The following NOS1 variants were observed in gnomAD, a reference collection of about 807,000 sequenced individuals.
NOS1 encodes the protein NOS type I.
Under a neutral mutation model 164.5 loss-of-function variants are expected in NOS1, and 51 were observed. That is an observed-to-expected ratio of 0.31 (90% confidence interval 0.25 to 0.39). NOS1 has a LOEUF of 0.39. NOS1 is among the 10% of genes least tolerant of loss of function. The probability of loss-of-function intolerance (pLI) is 1.00; values close to 1 mark genes in which losing one functional copy is unlikely to be tolerated. For synonymous variants in NOS1, 719 were observed against 745.8 expected (o/e 0.96, Z 0.59); for missense variants, 1,362 against 1,885.6 (o/e 0.72, Z 5.14).
chr12:117,216,122 C>T (rs1359230168), intron 28 of NOS1, among the ~76,000 whole-genome samples: 1 of 151,662 alleles, frequency 6.6e-6, no homozygotes, highest in Non-Finnish European at 1.5e-5. Context: ...AAGTGATCCA[C>T]CCATCTTTGC....
intron 16 of NOS1, chr12:117,255,983 A>T (rs768604771): frequency 6.7e-7 from 1 of 1,481,582 alleles, no homozygotes; most frequent in Middle Eastern, 1.8e-4. Flanking sequence ...CTTCTGTGTC[A>T]CCATTGGGGA....
chr12:117,290,326 G>A lies in NOS1; in HGVS notation c.953C>T (p.Thr318Ile), dbSNP rs758408165. The A allele has an allele frequency of 1.2e-6, 2 of 1,614,066 alleles. No individual in the cohort carries two copies. The highest frequency in any genetic ancestry group is 2.7e-5 in the African/African-American group (2 of 74,936). The change falls in exon 4 of 29, where the codon ACT becomes ATT. Residue 318 changes from threonine (T) to isoleucine (I), a missense_variant. Coordinates refer to ENST00000317775, the MANE Select transcript of NOS1 (RefSeq NM_000620.5). ...VKNWETEVVL[T>I]DTLHLKSTLE... is the part of the protein sequence containing the mutation. ...TGTGCTCTTAAGGTGGAGGGTGTCA[G>A]TGAGAACCACCTCAGTCTCCCAGTT...
At chr12:117,239,502 C>T (rs1022847593) in intron 20 of NOS1, among the ~76,000 whole-genome samples, 7 of 152,162 alleles carry the variant, frequency 4.6e-5, no homozygotes, top group South Asian at 2.1e-4. Context: ...ATGGTGACTG[C>T]GGTCACTTTT....
At chr12:117,279,715 G>A (rs1370926364) in intron 8 of NOS1, among the ~76,000 whole-genome samples, 2 of 152,186 alleles carry the variant, frequency 1.3e-5, no homozygotes, top group East Asian at 3.8e-4. Context: ...TGGTGACCAC[G>A]AGGACAAGGT....
intron 22 of NOS1, among the ~76,000 whole-genome samples, chr12:117,230,054 G>A (rs1387373085): frequency 6.6e-6 from 1 of 152,130 alleles, no homozygotes; most frequent in Non-Finnish European, 1.5e-5. Context: ...TGAGGAGCTG[G>A]GTCTACAGGC....
intron 22 of NOS1, among the ~76,000 whole-genome samples, chr12:117,231,126 A>G (rs901723452): frequency 4.6e-5 from 7 of 151,964 alleles, no homozygotes; most frequent in Admixed American, 3.9e-4. Flanking sequence ...TCGGGGTTTG[A>G]TGGTGAAACT....
intron 20 of NOS1, among the ~76,000 whole-genome samples, chr12:117,238,776 A>G (rs947053903): frequency 7.2e-5 from 11 of 152,068 alleles, no homozygotes; most frequent in African/African-American, 2.4e-4. Flanking sequence ...CGGCCTCCCA[A>G]AGTGCTGGGA....
rs1484822791 is a variant in NOS1 at position 117,214,814 on chromosome 12, C to T, written c.*495G>A. 9.1e-6 allele frequency: 9 copies of T among 984,230 alleles called. No homozygotes were observed. Among genetic ancestry groups the T allele is most frequent in the East Asian group, 1.1e-4 (1 of 8,802 alleles). The allele number at this position is 984,230 out of a possible 1,614,324, so 61.0% of individuals were successfully genotyped here. ...CGACACACTTGTGCAGGGAAGAGGA[C>T]GGACAGAGACCTGGCCCATCACACA... On this transcript the variant is annotated 3_prime_UTR_variant, in exon 29 of 29. Transcript: ENST00000317775.
At chr12:117,259,841 C>T (rs1008645601) in intron 14 of NOS1, among the ~76,000 whole-genome samples, 4 of 152,050 alleles carry the variant, frequency 2.6e-5, no homozygotes, top group Admixed American at 1.3e-4. Flanking sequence ...TCGAGCTGGC[C>T]GGGTGCGGTG....
intron 3 of NOS1, among the ~76,000 whole-genome samples, chr12:117,295,363 T>C (rs1873339854): frequency 6.6e-6 from 1 of 152,220 alleles, no homozygotes. Flanking sequence ...AATGTTAGTA[T>C]CCATAAATAA....
intron 3 of NOS1, among the ~76,000 whole-genome samples, chr12:117,308,072 G>A (rs1434978762): frequency 6.6e-6 from 1 of 152,020 alleles, no homozygotes; most frequent in Non-Finnish European, 1.5e-5. Flanking sequence ...GAAATCAAAA[G>A]CACTAATGCT....
intron 1 of NOS1, among the ~76,000 whole-genome samples, chr12:117,361,057 G>A (rs1437414288): frequency 6.6e-6 from 1 of 152,124 alleles, no homozygotes; most frequent in East Asian, 1.9e-4. Flanking sequence ...GCGCACACCA[G>A]GGGCTCGGGC....
intron 2 of NOS1, among the ~76,000 whole-genome samples, chr12:117,311,992 C>T (rs1318737736): frequency 2.0e-5 from 3 of 152,086 alleles, no homozygotes; most frequent in Non-Finnish European, 4.4e-5. Flanking sequence ...GTTCATGACA[C>T]CTACCAGTGG....
At position 117,340,005 on chromosome 12, in the gene NOS1, CTTTA is replaced by C. The variant is rs1443374797; in HGVS notation, c.-420-8520_-420-8517del. Reference sequence around the variant, plus strand: ...TATTCCTTCATATTAGATTGCTATTCTTTATTTATTTATTTTTGAGACAGGGTCT... The same window carrying C: ...TATTCCTTCATATTAGATTGCTATTCTTTATTTATTTTTGAGACAGGGTCT... On this transcript the variant is annotated intron_variant, in intron 1 of 28. Transcript: ENST00000317775. Among the ~76,000 whole-genome samples the C allele has an allele frequency of 7.9e-5, 12 of 152,176 alleles. No homozygotes were observed. The South Asian group carries it at 1.7e-3, about 21-fold the overall frequency.
At chr12:117,282,099 G>A (rs1047023110) in intron 7 of NOS1, among the ~76,000 whole-genome samples, 1 of 152,098 alleles carries the variant, frequency 6.6e-6, no homozygotes, top group Non-Finnish European at 1.5e-5. Flanking sequence ...GTTGTCTGCT[G>A]AAGGTCCTAG....
At chr12:117,312,908 C>A (rs1210046674) in intron 2 of NOS1, among the ~76,000 whole-genome samples, 1 of 152,112 alleles carries the variant, frequency 6.6e-6, no homozygotes, top group Non-Finnish European at 1.5e-5. Context: ...TTATCACGAC[C>A]ACTACCACAA....
intron 2 of NOS1, among the ~76,000 whole-genome samples, chr12:117,312,653 G>A (rs1291396251): frequency 1.3e-5 from 2 of 151,692 alleles, no homozygotes; most frequent in African/African-American, 4.8e-5. Flanking sequence ...GAACTCCTTG[G>A]TTCAAGTGGT....
Position 117,222,784 on chromosome 12 carries a change from C to T in NOS1, c.3906G>A (p.Leu1302=), listed in dbSNP as rs1480798171. Residue 1302 remains leucine (L), a synonymous_variant, in exon 26 of 29, where the codon CTG becomes CTA. Transcript: ENST00000317775. Reference sequence around the variant, plus strand: ...TGAAGACCCCCTTGTTCTTGGCCTGCAGGGTCTCTTCCCTGTAGATATGAT... The same window carrying T: ...TGAAGACCCCCTTGTTCTTGGCCTGTAGGGTCTCTTCCCTGTAGATATGAT... ...KIDHIYREET[L]QAKNKGVFRE... 2 of 1,613,980 alleles carry T rather than the reference C, an allele frequency of 1.2e-6. No individual in the cohort carries two copies. The highest frequency in any genetic ancestry group is 1.7e-6 in the Non-Finnish European group (2 of 1,179,982).
intron 1 of NOS1, among the ~76,000 whole-genome samples, chr12:117,347,422 C>T (rs1384404460): frequency 2.0e-5 from 3 of 152,186 alleles, no homozygotes; most frequent in Non-Finnish European, 4.4e-5. Flanking sequence ...CCTGAGCACA[C>T]TCCAAACAGC....
Sources: gnomAD v4.1 joint callset for allele counts (sites outside exome capture counted in the v4.1 genomes callset) on GRCh38, gnomAD v4.1.1 for gene constraint, MANE v1.5 for transcripts, NCBI Gene and HGNC (gene_info 2026-07-23, HGNC 2026-07-21) for gene names.